The following EHF variants were observed in gnomAD, a reference collection of about 807,000 sequenced individuals.
The protein encoded by EHF is ETS homologous factor.
In EHF, 14 loss-of-function variants were observed where a neutral mutation model predicts 45.1. The ratio of observed to expected loss-of-function variants is 0.31; its 90% confidence interval spans 0.21 to 0.49. EHF has a LOEUF of 0.49. Ranked by LOEUF, EHF falls within the 20% of genes least tolerant of loss-of-function variation. The pLI is 0.99. For synonymous variants in EHF, 136 were observed against 131.8 expected, an observed-to-expected ratio of 1.03 and a Z score of -0.22; for missense variants, 282 against 371.4, an observed-to-expected ratio of 0.76 and a Z score of 1.98.
At chr11:34,643,141 T>C (rs577961045) in intron 2 of EHF, among the ~76,000 whole-genome samples, 18 of 151,866 alleles carry the variant, frequency 1.2e-4, no homozygotes, top group African/African-American at 4.1e-4. Flanking sequence ...GTTATAGCAG[T>C]TCAATCTTTC....
At chr11:34,654,078 T>A (rs1460089253) in intron 6 of EHF, among the ~76,000 whole-genome samples, 2 of 152,154 alleles carry the variant, frequency 1.3e-5, no homozygotes, top group African/African-American at 4.8e-5. Flanking sequence ...AACACTGAAA[T>A]TTGTATATCC....
chr11:34,658,860 C>T lies in EHF; in HGVS notation c.832C>T (p.Arg278Cys). ...TTACTACAAAAGAGAAATTCTGGAG[C>T]GTGTGGATGGACGAAGACTGGTATA... ...RYYYKREILE[R>C]VDGRRLVYKF... is the part of the protein sequence containing the mutation. The change falls in exon 9 of 9, where the codon CGT becomes TGT. Residue 278 changes from arginine (R) to cysteine (C), a missense_variant. Arg to Cys is a radical substitution (Grantham distance 180). Transcript: ENST00000257831. 1 of 1,612,716 alleles carries T rather than the reference C, an allele frequency of 6.2e-7. No individual in the cohort carries two copies. The highest frequency in any genetic ancestry group is 8.5e-7 in the Non-Finnish European group (1 of 1,179,478).
rs1024327282 is a variant in EHF, at chr11:34,651,676, T to C, written c.476-61T>C. The C allele has an allele frequency of 6.2e-6, 10 of 1,608,184 alleles. No individual in the cohort carries two copies. The Admixed American group carries it at 1.0e-4, about 16-fold the overall frequency. On this transcript the variant is annotated intron_variant, in intron 5 of 8. Coordinates refer to ENST00000257831, the MANE Select transcript of EHF (RefSeq NM_012153.6). ...TTCAGTTTGTCTAAGAGCCACAGTG[T>C]TCTATTGTGAGGTGGGGGGAGGGGG...
At chr11:34,632,203 G>A (rs528758924) in intron 1 of EHF, among the ~76,000 whole-genome samples, 16 of 152,278 alleles carry the variant, frequency 1.1e-4, no homozygotes, top group South Asian at 6.2e-4. Context: ...GCTTTTTTCT[G>A]TTTATTTTCC....
chr11:34,651,526 T>C lies in EHF; in HGVS notation c.407-16T>C. On this transcript the variant is annotated splice_polypyrimidine_tract_variant and intron_variant, in intron 4 of 8. Transcript: ENST00000257831. ...AAAAGAGATCGCTGACTATTCTCCT[T>C]CTCTATTTTTTGTAGAGCCTTCCAT... is the stretch of plus-strand genomic sequence containing the variant. The C allele has an allele frequency of 1.2e-6, 2 of 1,608,900 alleles. No homozygotes were observed. Among genetic ancestry groups the C allele is most frequent in the Admixed American group, 3.3e-5 (2 of 59,996 alleles).
intron 1 of EHF, among the ~76,000 whole-genome samples, chr11:34,636,609 GGAGACT>G (rs1019294907): frequency 2.0e-5 from 3 of 152,212 alleles, no homozygotes; most frequent in African/African-American, 7.2e-5. Flanking sequence ...TGTTATGTGG[GGAGACT>G]GAGGTGGTAG....
At chr11:34,622,404 T>G (rs1012922464) in intron 1 of EHF, 8 of 1,286,308 alleles carry the variant, frequency 6.2e-6, no homozygotes. Flanking sequence ...GAGTTGGTTC[T>G]GCAGCCATGG....
rs1852172379 is a variant in EHF, at chr11:34,624,170, TAG to T, written c.-4+2945_-4+2946del. The T allele has an allele frequency of 9.7e-6, 5 of 513,568 alleles. No homozygotes were observed. The South Asian group carries it at 4.1e-4, about 43-fold the overall frequency. The allele number at this position is 513,568 out of a possible 1,614,324, so 31.8% of individuals were successfully genotyped here. A position where few individuals can be genotyped will look rare whatever the true frequency, so the allele number is the denominator to read the frequency against. Reference sequence around the variant, plus strand: ...TTCTCTTGTTAAGATCGCTCTCTGGTAGAGTTGACGTGACACTCATTTCTGTT... The same window carrying T: ...TTCTCTTGTTAAGATCGCTCTCTGGTAGTTGACGTGACACTCATTTCTGTT... On this transcript the variant is annotated intron_variant, in intron 1 of 8. Transcript: ENST00000257831.
chr11:34,645,340 T>C (rs1198527619), intron 2 of EHF, among the ~76,000 whole-genome samples: 2 of 152,228 alleles, frequency 1.3e-5, no homozygotes, highest in Non-Finnish European at 2.9e-5. Context: ...ATCTTGTGAA[T>C]GTACCATCTT....
At chr11:34,621,965 G>A (rs1852015121) in intron 1 of EHF, 1 of 152,216 alleles carries the variant, frequency 6.6e-6, no homozygotes, top group Non-Finnish European at 1.5e-5. Flanking sequence ...AATCAGTTTT[G>A]GCAAAGGGCT....
At chr11:34,643,538 G>A (rs570033629) in intron 2 of EHF, among the ~76,000 whole-genome samples, 1 of 152,346 alleles carries the variant, frequency 6.6e-6, no homozygotes, top group East Asian at 1.9e-4. Flanking sequence ...GAGATGGTTT[G>A]TTGGTGACCA....
At chr11:34,628,352 T>A (rs186385286) in intron 1 of EHF, among the ~76,000 whole-genome samples, 77 of 152,332 alleles carry the variant, frequency 5.1e-4, no homozygotes, top group African/African-American at 1.3e-3. Flanking sequence ...TAAATTTTTT[T>A]AAATCTTATA....
intron 6 of EHF, among the ~76,000 whole-genome samples, chr11:34,656,255 C>T (rs1855662396): frequency 1.3e-5 from 2 of 152,124 alleles, no homozygotes; most frequent in East Asian, 3.9e-4. Flanking sequence ...CCACTGTGGC[C>T]CTCTGTATTG....
chr11:34,628,108 C>T (rs1852533828), intron 1 of EHF, among the ~76,000 whole-genome samples: 1 of 152,238 alleles, frequency 6.6e-6, no homozygotes, highest in Middle Eastern at 3.4e-3. Context: ...TGTGGTAGCA[C>T]ACACCTGTAA....
At position 34,646,069 on chromosome 11, in the gene EHF, T is replaced by C. The variant is rs575546214; in HGVS notation, c.98-370T>C. On this transcript the variant is annotated intron_variant, in intron 2 of 8. Transcript: ENST00000257831. ...GTGTGTGTGTGTGTGTGTGTGTGTATGTATAAGAGAGAAAAAATGAGAGAG... is the reference window on the plus strand; with the variant it reads ...GTGTGTGTGTGTGTGTGTGTGTGTACGTATAAGAGAGAAAAAATGAGAGAG... 6.0e-4 allele frequency among the ~76,000 whole-genome samples: 82 copies of C among 135,974 alleles called. 1 individual carries two copies. The highest frequency in any genetic ancestry group is 2.2e-3 in the African/African-American group (78 of 35,118). 89.2% of individuals were successfully genotyped at this position (135,974 alleles called of 152,430 possible).
chr11:34,638,945 AAAG>A (rs929213058), intron 1 of EHF, among the ~76,000 whole-genome samples: 6 of 152,210 alleles, frequency 3.9e-5, no homozygotes, highest in Non-Finnish European at 7.3e-5. Flanking sequence ...ATTAATGTTT[AAAG>A]AAGGGAAAGG....
intron 1 of EHF, among the ~76,000 whole-genome samples, chr11:34,637,695 AT>A (rs1055511897): frequency 6.6e-6 from 1 of 152,116 alleles, no homozygotes; most frequent in African/African-American, 2.4e-5. Context: ...TTCTCTTCAA[AT>A]AAAGAGTACG....
chr11:34,655,110 T>C (rs1855537667), intron 6 of EHF, among the ~76,000 whole-genome samples: 3 of 152,156 alleles, frequency 2.0e-5, no homozygotes, highest in Admixed American at 1.3e-4. Context: ...TGAAGTCTCC[T>C]TGCATTTCCT....
At chr11:34,637,896 C>CT (rs1853599205) in intron 1 of EHF, among the ~76,000 whole-genome samples, 1 of 135,614 alleles carries the variant, frequency 7.4e-6, no homozygotes, top group Non-Finnish European at 1.6e-5. Context: ...TTTCATTTCA[C>CT]TCCTTTTTTT....
Sources: gnomAD v4.1 joint callset for allele counts (sites outside exome capture counted in the v4.1 genomes callset) on GRCh38, gnomAD v4.1.1 for gene constraint, MANE v1.5 for transcripts, NCBI Gene and HGNC (gene_info 2026-07-23, HGNC 2026-07-21) for gene names.